COG6: variants seen among roughly 807,000 people sequenced by gnomAD.
COG6 encodes component of oligomeric golgi complex 6.
COG6 carries 74 observed loss-of-function variants against 88.8 expected under a neutral mutation model. That is an observed-to-expected ratio of 0.83 (90% CI 0.69 to 1.01). COG6 has a LOEUF of 1.01. Ranked by LOEUF, COG6 falls within the 50% of genes least tolerant of loss-of-function variation. The probability of loss-of-function intolerance (pLI) is 0.00; values close to 1 mark genes in which losing one functional copy is unlikely to be tolerated. For synonymous variants in COG6, 286 were observed against 278.7 expected (o/e 1.03, Z -0.26); for missense variants, 800 against 797.9 (o/e 1.00, Z -0.03).
rs185272585 is a variant in COG6, at chr13:39,758,189, C to T, written c.1827-30146C>T. On this transcript the variant is annotated intron_variant, in intron 18 of 18. Coordinates refer to the COG6 transcript ENST00000416691. ...GAGTCGAGATTGTGCCACTGCACTT[C>T]GGCCTGGCGACAGAGCGAGATGCCT... 1.3e-4 allele frequency among the ~76,000 whole-genome samples: 16 copies of T among 127,826 alleles called. No individual in the cohort carries two copies. The Middle Eastern group carries it at 0.026, about 204-fold the overall frequency. The allele number at this position is 127,826 out of a possible 152,430, so 83.9% of individuals were successfully genotyped here.
chr13:39,687,410 T>C, intron 8 of COG6, 93 bp from the exon 9 acceptor site: 2 of 1,157,806 alleles, frequency 1.7e-6, no homozygotes, highest in Non-Finnish European at 2.6e-6. Context: ...AAGTGCTTTT[T>C]AAGTACTTGG....
At chr13:39,766,083 T>G (rs1037081566) in intron 18 of COG6, among the ~76,000 whole-genome samples, 1 of 152,176 alleles carries the variant, frequency 6.6e-6, no homozygotes, top group African/African-American at 2.4e-5. Context: ...CACTTCTGGC[T>G]TCTGGACCCT....
intron 12 of COG6, among the ~76,000 whole-genome samples, chr13:39,699,232 A>G (rs886371691): frequency 5.3e-5 from 8 of 151,780 alleles, no homozygotes; most frequent in East Asian, 1.9e-4. Context: ...ATATATCACA[A>G]ATATCTGTTC....
chr13:39,711,824 T>C (rs568354574), intron 13 of COG6, among the ~76,000 whole-genome samples: 2 of 152,312 alleles, frequency 1.3e-5, no homozygotes, highest in Admixed American at 6.5e-5. Context: ...AATATGAGTG[T>C]ACACACACCT....
At chr13:39,776,091 T>C (rs2138182741) in intron 18 of COG6, among the ~76,000 whole-genome samples, 1 of 152,224 alleles carries the variant, frequency 6.6e-6, no homozygotes, top group Admixed American at 6.5e-5. Flanking sequence ...TTAGGCAAAC[T>C]TCTGATCAGC....
chr13:39,764,184 T>A (rs1436412127), intron 18 of COG6, among the ~76,000 whole-genome samples: 1 of 151,928 alleles, frequency 6.6e-6, no homozygotes, highest in Non-Finnish European at 1.5e-5. Flanking sequence ...TTTGTCATAA[T>A]GTTCTATCAT....
chr13:39,772,917 A>G (rs1881360229), intron 18 of COG6, among the ~76,000 whole-genome samples: 1 of 152,228 alleles, frequency 6.6e-6, no homozygotes, highest in African/African-American at 2.4e-5. Flanking sequence ...TCTGGGGACT[A>G]TCTTCTTTCG....
chr13:39,745,957 A>T (rs1469516540), intron 18 of COG6, among the ~76,000 whole-genome samples: 4 of 152,134 alleles, frequency 2.6e-5, no homozygotes, highest in African/African-American at 9.7e-5. Flanking sequence ...GCTGGAAACC[A>T]TCATTCTAAG....
intron 18 of COG6, among the ~76,000 whole-genome samples, chr13:39,746,651 A>G (rs779561039): frequency 1.9e-4 from 29 of 152,334 alleles, no homozygotes; most frequent in South Asian, 1.0e-3. Context: ...CATATGTGAT[A>G]TTAGTAATTA....
intron 14 of COG6, 124 bp downstream of exon 14, chr13:39,719,491 A>G: frequency 2.5e-6 from 3 of 1,185,402 alleles, no homozygotes; most frequent in Non-Finnish European, 3.6e-6. Flanking sequence ...TTTTCCATCA[A>G]ATATTAAACC....
At chr13:39,786,315 G>T (rs1019729171) in intron 18 of COG6, among the ~76,000 whole-genome samples, 7 of 152,290 alleles carry the variant, frequency 4.6e-5, no homozygotes, top group African/African-American at 1.4e-4. Context: ...GAATGGGGAG[G>T]CAGATAAAGA....
intron 5 of COG6, among the ~76,000 whole-genome samples, chr13:39,678,495 A>G (rs1433908855): frequency 6.6e-6 from 1 of 152,166 alleles, no homozygotes; most frequent in Non-Finnish European, 1.5e-5. Flanking sequence ...TTTTTAAGCT[A>G]TTCCATTTTT....
downstream of COG6, among the ~76,000 whole-genome samples, chr13:39,756,667 A>G (rs1481966938): frequency 6.6e-6 from 1 of 151,976 alleles, no homozygotes; most frequent in Non-Finnish European, 1.5e-5. Context: ...CCTCCATAAG[A>G]TGAATATCCT....
Position 39,689,742 on chromosome 13 carries a change from TGTA to T in COG6, c.1010-15_1010-13del, listed in dbSNP as rs1876871810. The T allele has an allele frequency of 6.4e-7, 1 of 1,555,138 alleles. No homozygotes were observed. Among genetic ancestry groups the T allele is most frequent in the African/African-American group, 1.4e-5 (1 of 73,768 alleles). On this transcript the variant is annotated splice_polypyrimidine_tract_variant and intron_variant, in intron 10 of 18. Transcript: ENST00000455146. ...ATAATATGGAAACAAATATTAATTA[TGTA>T]GTCATTAATTTTAGGTGTTGAAGAA...
intron 8 of COG6, chr13:39,682,533 C>T (rs1876376984): frequency 5.7e-6 from 2 of 353,014 alleles, no homozygotes; most frequent in Non-Finnish European, 1.0e-5. Context: ...GTGACTTTTC[C>T]CCTGTCGTCT....
chr13:39,656,162 C>G (rs1335523515), intron 1 of COG6: 1 of 581,772 alleles, frequency 1.7e-6, no homozygotes, highest in South Asian at 1.5e-5. Context: ...GGTGGTGCCT[C>G]GAGAAGTGTC....
chr13:39,703,567 T>A (rs1877705181), intron 13 of COG6, among the ~76,000 whole-genome samples: 1 of 152,200 alleles, frequency 6.6e-6, no homozygotes. Flanking sequence ...AATTTTTTTA[T>A]AGTTCAATAG....
chr13:39,773,906 T>C (rs1443224583), intron 18 of COG6, among the ~76,000 whole-genome samples: 1 of 151,104 alleles, frequency 6.6e-6, no homozygotes, highest in Non-Finnish European at 1.5e-5. Flanking sequence ...GTCTAAATAC[T>C]GACCAAAATA....
rs374334273 is a variant in COG6 at position 39,723,449 on chromosome 13, A to T, written c.1692+9A>T. On this transcript the variant is annotated intron_variant, in intron 16 of 18. Transcript: ENST00000455146. ...AACATAAACCTGAACAGGTAAGTGC[A>T]TAGATGTTCCTTCCTAATTCTAAGA... 5 of 1,443,588 alleles carry T rather than the reference A, an allele frequency of 3.5e-6. No homozygotes were observed. The East Asian group carries it at 9.1e-5, about 26-fold the overall frequency. 89.4% of individuals were successfully genotyped at this position (1,443,588 alleles called of 1,614,324 possible). A position where few individuals can be genotyped will look rare whatever the true frequency, so the allele number is the denominator to read the frequency against.
Sources: gnomAD v4.1 joint callset for allele counts (sites outside exome capture counted in the v4.1 genomes callset) on GRCh38, gnomAD v4.1.1 for gene constraint, MANE v1.5 for transcripts, NCBI Gene and HGNC (gene_info 2026-07-23, HGNC 2026-07-21) for gene names.